Variants in PIGU observed in about 807,000 individuals in gnomAD.
The protein encoded by PIGU is phosphatidylinositol glycan anchor biosynthesis class U.
A neutral mutation model predicts 49.9 loss-of-function variants in PIGU; 24 were observed. The observed-to-expected ratio is 0.48, with a 90% CI of 0.35 to 0.68. The LOEUF is 0.68. Among genes scored for constraint, PIGU ranks in the 30% least tolerant of loss-of-function variants. The pLI, the probability that PIGU is intolerant of heterozygous loss-of-function variation, is 0.01. For missense variants in PIGU, 490 were observed against 532.6 expected, an observed-to-expected ratio of 0.92 and a Z score of 0.79; for synonymous variants, 220 against 205.7, an observed-to-expected ratio of 1.07 and a Z score of -0.59.
chr20:34,594,806 A>C (rs1212805388), intron 7 of PIGU, among the ~76,000 whole-genome samples: 1 of 152,086 alleles, frequency 6.6e-6, no homozygotes, highest in Non-Finnish European at 1.5e-5. Flanking sequence ...GAAAATATAC[A>C]TATAGGCTGG....
chr20:34,574,369 C>A (rs954962824), intron 11 of PIGU, among the ~76,000 whole-genome samples: 9 of 152,200 alleles, frequency 5.9e-5, no homozygotes, highest in African/African-American at 2.2e-4. Flanking sequence ...CTTGGGACGG[C>A]TGCAACATAA....
At position 34,654,191 on chromosome 20, in the gene PIGU, G is replaced by A. The variant is rs1221178300; in HGVS notation, c.195+2989C>T. Among the ~76,000 whole-genome samples, 28 of 95,840 alleles carry A rather than the reference G, an allele frequency of 2.9e-4. 7 individuals are homozygous for A. Among genetic ancestry groups the A allele is most frequent in the African/African-American group, 1.0e-3 (28 of 26,802 alleles). 62.9% of individuals were successfully genotyped at this position (95,840 alleles called of 152,430 possible). A position where few individuals can be genotyped will look rare whatever the true frequency, so the allele number is the denominator to read the frequency against. Reference sequence around the variant, plus strand: ...TATTAAGAGTCTCTTGGCCGGGCACGGTGGCTCACGCCTGTAATCCTAGCA... The same window carrying A: ...TATTAAGAGTCTCTTGGCCGGGCACAGTGGCTCACGCCTGTAATCCTAGCA... On this transcript the variant is annotated intron_variant, in intron 2 of 11. Transcript: ENST00000217446.
intron 4 of PIGU, among the ~76,000 whole-genome samples, chr20:34,639,065 G>T (rs1986063716): frequency 6.6e-6 from 1 of 152,136 alleles, no homozygotes; most frequent in South Asian, 2.1e-4. Flanking sequence ...AAAATATACT[G>T]CATTGTGACA....
chr20:34,561,414 A>G (rs1982502882), intron 11 of PIGU, among the ~76,000 whole-genome samples: 1 of 151,968 alleles, frequency 6.6e-6, no homozygotes, highest in Admixed American at 6.6e-5. Flanking sequence ...TTGCCCTGAC[A>G]CTTCTCTCAT....
intron 6 of PIGU, among the ~76,000 whole-genome samples, chr20:34,625,158 G>C (rs970023196): frequency 3.3e-5 from 5 of 152,068 alleles, no homozygotes; most frequent in African/African-American, 9.7e-5. Flanking sequence ...GATCACCTGA[G>C]GTCAGGAGTA....
chr20:34,627,836 AG>A (rs1294278309), intron 6 of PIGU, among the ~76,000 whole-genome samples: 1 of 152,238 alleles, frequency 6.6e-6, no homozygotes, highest in Non-Finnish European at 1.5e-5. Flanking sequence ...GAGAGTTCAC[AG>A]ACAGCAGAGT....
Position 34,560,916 on chromosome 20 carries a change from G to C in PIGU, c.1258C>G (p.Leu420Val). The C allele has an allele frequency of 6.2e-7, 1 of 1,613,166 alleles. No homozygotes were observed. The highest frequency in any genetic ancestry group is 8.5e-7 in the Non-Finnish European group (1 of 1,179,424). Residue 420 changes from leucine to valine, a missense_variant, in exon 12 of 12, where the codon CTC becomes GTC. Coordinates refer to ENST00000217446, the MANE Select transcript of PIGU (RefSeq NM_080476.5). ...GTGCCATCCTTGGCGGTCAAGTAGA[G>C]GCCATGTGTGAGGTAGTACTCCCGC... ...LRREYYLTHG[L>V]YLTAKDGTEA...
chr20:34,651,598 C>T (rs1986543789), intron 2 of PIGU, among the ~76,000 whole-genome samples: 1 of 151,956 alleles, frequency 6.6e-6, no homozygotes, highest in African/African-American at 2.4e-5. Flanking sequence ...TCTGCTACTG[C>T]AAGCCCGTTC....
At chr20:34,666,165 G>A (rs1177849809) in intron 1 of PIGU, among the ~76,000 whole-genome samples, 2 of 151,576 alleles carry the variant, frequency 1.3e-5, no homozygotes, top group Admixed American at 6.6e-5. Flanking sequence ...CAGCCCGGGC[G>A]ATAGAACAAG....
chr20:34,661,547 CTT>C (rs796294249), intron 1 of PIGU, among the ~76,000 whole-genome samples: 15 of 140,108 alleles, frequency 1.1e-4, no homozygotes, highest in African/African-American at 7.9e-5. Flanking sequence ...TGAGCTCATT[CTT>C]TTTTTTTTTT....
At chr20:34,649,709 A>G (rs1986468354) in intron 2 of PIGU, among the ~76,000 whole-genome samples, 1 of 150,854 alleles carries the variant, frequency 6.6e-6, no homozygotes. Flanking sequence ...TAATTTTTAT[A>G]TTTTTAGTAG....
intron 6 of PIGU, among the ~76,000 whole-genome samples, chr20:34,630,803 C>T (rs1286981880): frequency 6.6e-6 from 1 of 152,030 alleles, no homozygotes; most frequent in Non-Finnish European, 1.5e-5. Context: ...AGTACCATCA[C>T]ACCGGGCTAA....
intron 11 of PIGU, among the ~76,000 whole-genome samples, chr20:34,570,045 G>T (rs1454288639): frequency 1.3e-5 from 2 of 152,148 alleles, no homozygotes; most frequent in African/African-American, 4.8e-5. Flanking sequence ...GTTATGAGGA[G>T]TAAATTCCTT....
intron 7 of PIGU, among the ~76,000 whole-genome samples, chr20:34,590,506 G>A (rs1014570085): frequency 6.6e-6 from 1 of 151,946 alleles, no homozygotes; most frequent in South Asian, 2.1e-4. Flanking sequence ...GTAGTGAGCC[G>A]AGATTGCACC....
intron 4 of PIGU, among the ~76,000 whole-genome samples, chr20:34,640,753 A>G (rs1600652441): frequency 6.6e-6 from 1 of 152,170 alleles, no homozygotes; most frequent in African/African-American, 2.4e-5. Context: ...TATGTAAGTT[A>G]TATTAAAAAA....
intron 1 of PIGU, among the ~76,000 whole-genome samples, chr20:34,668,595 C>T (rs1987193301): frequency 6.6e-6 from 1 of 150,488 alleles, no homozygotes; most frequent in African/African-American, 2.4e-5. Context: ...TGGTGAAATC[C>T]CATCTCTACT....
chr20:34,577,425 CA>C (rs1983280005), intron 10 of PIGU, among the ~76,000 whole-genome samples: 1 of 152,078 alleles, frequency 6.6e-6, no homozygotes, highest in Non-Finnish European at 1.5e-5. Context: ...CGCTACAAAA[CA>C]AAATCACGGC....
chr20:34,619,583 C>A (rs2146744619), intron 6 of PIGU, among the ~76,000 whole-genome samples: 1 of 152,320 alleles, frequency 6.6e-6, no homozygotes, highest in South Asian at 2.1e-4. Context: ...ATTCCTATAG[C>A]ATGGTGAAAA....
chr20:34,627,827 A>G (rs1324300882), intron 6 of PIGU, among the ~76,000 whole-genome samples: 1 of 152,244 alleles, frequency 6.6e-6, no homozygotes, highest in Admixed American at 6.5e-5. Context: ...TAAGGCAGGG[A>G]GAGTTCACAG....
Sources: gnomAD v4.1 joint callset for allele counts (sites outside exome capture counted in the v4.1 genomes callset) on GRCh38, gnomAD v4.1.1 for gene constraint, MANE v1.5 for transcripts, NCBI Gene and HGNC (gene_info 2026-07-23, HGNC 2026-07-21) for gene names.